The following ZBTB7C variants were observed in gnomAD, a reference collection of about 807,000 sequenced individuals.
ZBTB7C encodes the protein zinc finger and BTB domain-containing protein 7C.
In ZBTB7C, 8 loss-of-function variants were observed where a neutral mutation model predicts 25.7. That is an observed-to-expected ratio of 0.31 (90% CI 0.18 to 0.56). ZBTB7C has a LOEUF of 0.56. ZBTB7C is among the 20% of genes least tolerant of loss of function. The pLI, the probability that ZBTB7C is intolerant of heterozygous loss-of-function variation, is 0.91. For synonymous variants in ZBTB7C, 394 were observed against 369.0 expected, an observed-to-expected ratio of 1.07 and a Z score of -0.78; for missense variants, 824 against 855.2, an observed-to-expected ratio of 0.96 and a Z score of 0.46.
rs7238903 is a variant in ZBTB7C, at chr18:48,322,593, G to A, written c.-79+15581C>T. ...AAAAAGGGAACACTTCTATACTGTT[G>A]GTGGGAATGTAAACTAGCGCAACCA... On this transcript the variant is annotated intron_variant, in intron 2 of 4. Coordinates refer to ENST00000590800, the MANE Select transcript of ZBTB7C (RefSeq NM_001318841.2). 5.4e-3 allele frequency among the ~76,000 whole-genome samples: 821 copies of A among 152,292 alleles called. 6 individuals carry two copies. Among genetic ancestry groups the A allele is most frequent in the African/African-American group, 0.019 (795 of 41,548 alleles).
chr18:48,360,274 C>T lies in ZBTB7C; in HGVS notation c.-303-21876G>A, dbSNP rs1190540767. 3.3e-5 allele frequency among the ~76,000 whole-genome samples: 5 copies of T among 152,174 alleles called. No homozygotes were observed. In the East Asian group the frequency reaches 5.8e-4, roughly 18 times the overall value. On this transcript the variant is annotated intron_variant, in intron 1 of 4. Transcript: ENST00000590800. Reference sequence around the variant, plus strand: ...GAGCAATAGCATGGAAGAGAAAATGCGTAACCGAACTGCGGACAGAGCAGA... The same window carrying T: ...GAGCAATAGCATGGAAGAGAAAATGTGTAACCGAACTGCGGACAGAGCAGA...
At chr18:48,217,264 T>C (rs2042845839) in intron 2 of ZBTB7C, among the ~76,000 whole-genome samples, 1 of 152,148 alleles carries the variant, frequency 6.6e-6, no homozygotes, top group Non-Finnish European at 1.5e-5. Flanking sequence ...CTCCCCAGCG[T>C]TCTTTGGTAG....
At chr18:48,149,622 G>C (rs2040608623) in intron 3 of ZBTB7C, 1 of 152,160 alleles carries the variant, frequency 6.6e-6, no homozygotes, top group Non-Finnish European at 1.5e-5. Flanking sequence ...TTGTAGGATG[G>C]ATGGGGGAAC....
intron 3 of ZBTB7C, among the ~76,000 whole-genome samples, chr18:48,080,557 T>C (rs2037942667): frequency 6.6e-6 from 1 of 152,228 alleles, no homozygotes; most frequent in Non-Finnish European, 1.5e-5. Flanking sequence ...TTCACCTCTG[T>C]GGGCCTCTGT....
chr18:48,357,993 T>C (rs2047015090), intron 1 of ZBTB7C, among the ~76,000 whole-genome samples: 1 of 152,184 alleles, frequency 6.6e-6, no homozygotes, highest in Non-Finnish European at 1.5e-5. Flanking sequence ...AATGGCTTAG[T>C]GCCATCCCCT....
intron 2 of ZBTB7C, among the ~76,000 whole-genome samples, chr18:48,260,857 C>T (rs2044152625): frequency 1.3e-5 from 2 of 152,214 alleles, no homozygotes; most frequent in Admixed American, 1.3e-4. Flanking sequence ...CTACTCTGAG[C>T]ATCTTGCCTT....
rs1473332884 is a variant in ZBTB7C, at chr18:48,098,592, C to T, written c.-16-57469G>A. Reference sequence around the variant, plus strand: ...TTGGCTTCCTCGAATCCATTCTACCCGCCTAATTTCCTTCTGTGGATTCTC... The same window carrying T: ...TTGGCTTCCTCGAATCCATTCTACCTGCCTAATTTCCTTCTGTGGATTCTC... On this transcript the variant is annotated intron_variant, in intron 3 of 4. Coordinates refer to ENST00000590800, the MANE Select transcript of ZBTB7C (RefSeq NM_001318841.2). 3.3e-5 allele frequency among the ~76,000 whole-genome samples: 5 copies of T among 152,146 alleles called. No homozygotes were observed. In the East Asian group the frequency reaches 5.8e-4, roughly 18 times the overall value.
chr18:48,211,976 G>T (rs1358753662), intron 2 of ZBTB7C, among the ~76,000 whole-genome samples: 1 of 152,096 alleles, frequency 6.6e-6, no homozygotes, highest in Non-Finnish European at 1.5e-5. Context: ...AATAAACCAT[G>T]GTACATAGAG....
chr18:48,249,625 T>C (rs1192712753), intron 2 of ZBTB7C, among the ~76,000 whole-genome samples: 1 of 152,206 alleles, frequency 6.6e-6, no homozygotes, highest in Non-Finnish European at 1.5e-5. Flanking sequence ...ATAAGAAATA[T>C]TATTTTTTAA....
chr18:48,083,368 G>T (rs184710768), intron 3 of ZBTB7C, among the ~76,000 whole-genome samples: 1 of 152,226 alleles, frequency 6.6e-6, no homozygotes, highest in Admixed American at 6.5e-5. Flanking sequence ...TTGCAGACCA[G>T]CTTTCTTCCC....
chr18:48,097,382 G>GTTATTATTATTA (rs1555691088), intron 3 of ZBTB7C, among the ~76,000 whole-genome samples: 2,017 of 144,958 alleles, frequency 0.014, 31 homozygotes, highest in African/African-American at 0.041. Flanking sequence ...TATTGTTGTT[G>GTTATTATTATTA]TTATTATTAT....
chr18:48,029,668 A>C lies in ZBTB7C; in HGVS notation c.1452T>G (p.Ala484=), dbSNP rs1227437906. Residue 484 remains alanine, a synonymous_variant, in exon 5 of 5, where the codon GCT becomes GCG. Coordinates refer to ENST00000590800, the MANE Select transcript of ZBTB7C (RefSeq NM_001318841.2). ...AGAGCAGGCTGGCGGCCCTCCACGC[A>C]GCAGGCTTGCGGCCGCGTCGGGGCC... ...MARPRRGRKP[A]AWRAASLLFG... 6.4e-7 allele frequency: 1 copy of C among 1,565,346 alleles called. No homozygotes were observed. The highest frequency in any genetic ancestry group is 1.4e-5 in the African/African-American group (1 of 74,044).
At chr18:48,248,789 T>A (rs777126390) in intron 2 of ZBTB7C, among the ~76,000 whole-genome samples, 5 of 152,114 alleles carry the variant, frequency 3.3e-5, no homozygotes, top group Non-Finnish European at 4.4e-5. Context: ...TATCTCTTCT[T>A]CAGAAAAATA....
intron 2 of ZBTB7C, among the ~76,000 whole-genome samples, chr18:48,191,735 G>A (rs554697659): frequency 5.3e-5 from 8 of 152,320 alleles, no homozygotes; most frequent in South Asian, 2.1e-4. Context: ...TGAGAGGCCC[G>A]GGGGTTGTCC....
At chr18:48,076,782 G>A (rs1483377580) in intron 3 of ZBTB7C, among the ~76,000 whole-genome samples, 1 of 152,188 alleles carries the variant, frequency 6.6e-6, no homozygotes, top group Admixed American at 6.5e-5. Context: ...AGACTTGCAT[G>A]TTGGAGCCAG....
chr18:48,041,626 C>G, intron 3 of ZBTB7C: 1 of 880,174 alleles, frequency 1.1e-6, no homozygotes, highest in Non-Finnish European at 1.4e-6. Context: ...AAGCTTAAAA[C>G]AAATTTCGTG....
chr18:48,386,940 C>T (rs376772064), intron 1 of ZBTB7C, among the ~76,000 whole-genome samples: 4 of 152,174 alleles, frequency 2.6e-5, no homozygotes, highest in South Asian at 2.1e-4. Flanking sequence ...ACTCTGTTGT[C>T]GCTCTGCTTT....
chr18:48,167,111 T>C (rs2041276131), intron 3 of ZBTB7C, among the ~76,000 whole-genome samples: 1 of 152,144 alleles, frequency 6.6e-6, no homozygotes, highest in African/African-American at 2.4e-5. Context: ...CTGTGTCCGG[T>C]CCTTCCTTGG....
At chr18:48,118,918 C>G (rs749043808) in intron 3 of ZBTB7C, among the ~76,000 whole-genome samples, 5 of 152,080 alleles carry the variant, frequency 3.3e-5, no homozygotes, top group Non-Finnish European at 7.3e-5. Context: ...TCCTAAGGAG[C>G]TTATTCTGAG....
Sources: gnomAD v4.1 joint callset for allele counts (sites outside exome capture counted in the v4.1 genomes callset) on GRCh38, gnomAD v4.1.1 for gene constraint, MANE v1.5 for transcripts, NCBI Gene and HGNC (gene_info 2026-07-23, HGNC 2026-07-21) for gene names.